Variants in PCDH11Y observed in about 807,000 individuals in gnomAD.
PCDH11Y encodes the protein protocadherin 11 Y-linked.
For missense variants in PCDH11Y, 12 were observed against 224.8 expected, an observed-to-expected ratio of 0.05 and a Z score of 6.05; for synonymous variants, 9 against 83.6, an observed-to-expected ratio of 0.11 and a Z score of 4.87.
chrY:5,681,810 C>T, intron 4 of PCDH11Y, among the ~76,000 whole-genome samples: 1 of 30,460 alleles, frequency 3.3e-5, no homozygotes, highest in East Asian at 8.6e-4. Flanking sequence ...TTTATTTACT[C>T]CCACATATGA....
chrY:5,676,776 G>T (rs2053554039), intron 4 of PCDH11Y, among the ~76,000 whole-genome samples: 1 of 32,597 alleles, frequency 3.1e-5, no homozygotes, highest in African/African-American at 1.2e-4. Flanking sequence ...TTTGGTCAAA[G>T]CCATTCAACA....
intron 2 of PCDH11Y, among the ~76,000 whole-genome samples, chrY:5,129,128 T>C: frequency 6.0e-5 from 2 of 33,243 alleles, no homozygotes; most frequent in Non-Finnish European, 1.5e-4. Context: ...AGGAATACAT[T>C]TTCGGTAACT....
chrY:5,351,683 T>C, intron 2 of PCDH11Y, among the ~76,000 whole-genome samples: 1 of 32,478 alleles, frequency 3.1e-5, no homozygotes, highest in East Asian at 8.1e-4. Flanking sequence ...GATTTTAGGA[T>C]AGTATGAAAA....
chrY:5,332,466 C>T, intron 2 of PCDH11Y, among the ~76,000 whole-genome samples: 1 of 33,561 alleles, frequency 3.0e-5, no homozygotes, highest in African/African-American at 1.2e-4. Flanking sequence ...TTTATCAGTG[C>T]TATTTGATAG....
intron 1 of PCDH11Y, among the ~76,000 whole-genome samples, chrY:5,082,259 G>T: frequency 6.0e-5 from 2 of 33,528 alleles, no homozygotes; most frequent in Non-Finnish European, 1.5e-4. Flanking sequence ...TTTGCTGCTG[G>T]ATTCAGTTTG....
At chrY:5,351,850 T>A in intron 2 of PCDH11Y, among the ~76,000 whole-genome samples, 1 of 30,579 alleles carries the variant, frequency 3.3e-5, no homozygotes, top group East Asian at 8.4e-4. Context: ...TGTCATTTAT[T>A]GGTGTTTTCA....
exon 5 of PCDH11Y, chrY:5,737,947 A>G: frequency 2.5e-6 from 1 of 398,288 alleles, no homozygotes; most frequent in Non-Finnish European, 3.5e-6. Context: ...TTGTAAAGCT[A>G]AAATAGTTAC....
At chrY:5,242,266 A>G in intron 2 of PCDH11Y, among the ~76,000 whole-genome samples, 1 of 18,255 alleles carries the variant, frequency 5.5e-5, no homozygotes, top group Non-Finnish European at 1.2e-4. Context: ...TGTCTCAAAT[A>G]TATATATAGA....
At chrY:5,243,379 A>T in intron 2 of PCDH11Y, among the ~76,000 whole-genome samples, 1 of 32,311 alleles carries the variant, frequency 3.1e-5, no homozygotes, top group East Asian at 7.8e-4. Context: ...TTCTAGGCAC[A>T]CTACACCTTC....
At chrY:5,198,347 C>T in intron 2 of PCDH11Y, among the ~76,000 whole-genome samples, 1 of 30,544 alleles carries the variant, frequency 3.3e-5, no homozygotes, top group South Asian at 7.7e-4. Flanking sequence ...GATGTTTCAC[C>T]ATGTTGGCCA....
intron 2 of PCDH11Y, among the ~76,000 whole-genome samples, chrY:5,450,761 A>G: frequency 3.0e-5 from 1 of 32,916 alleles, no homozygotes; most frequent in Non-Finnish European, 7.5e-5. Flanking sequence ...TGGAAACTGT[A>G]TGCTGCGCAG....
At chrY:5,147,041 G>A in intron 2 of PCDH11Y, among the ~76,000 whole-genome samples, 1 of 30,761 alleles carries the variant, frequency 3.3e-5, no homozygotes, top group East Asian at 8.9e-4. Context: ...TTTGCCAGAG[G>A]GTCCTGGGCC....
intron 1 of PCDH11Y, among the ~76,000 whole-genome samples, chrY:5,023,516 GC>G (rs2124620168): frequency 2.9e-5 from 1 of 34,187 alleles, no homozygotes; most frequent in Admixed American, 2.7e-4. Context: ...TGTTTAAGGA[GC>G]AATGCTGACA....
chrY:5,245,550 A>C, intron 2 of PCDH11Y, among the ~76,000 whole-genome samples: 1 of 30,818 alleles, frequency 3.2e-5, no homozygotes, highest in African/African-American at 1.3e-4. Context: ...AAAACAAACA[A>C]ACAGAAAGCA....
At chrY:5,564,669 C>T in intron 3 of PCDH11Y, among the ~76,000 whole-genome samples, 1 of 32,701 alleles carries the variant, frequency 3.1e-5, no homozygotes, top group African/African-American at 1.2e-4. Flanking sequence ...GACTGCTACA[C>T]GACAGCAACT....
intron 4 of PCDH11Y, among the ~76,000 whole-genome samples, chrY:5,711,556 T>C (rs2053586556): frequency 3.2e-5 from 1 of 30,921 alleles, no homozygotes; most frequent in Non-Finnish European, 7.8e-5. Context: ...TTTGGGAGGC[T>C]GAGTTGGTCA....
At chrY:5,329,295 T>A in intron 2 of PCDH11Y, among the ~76,000 whole-genome samples, 1 of 32,023 alleles carries the variant, frequency 3.1e-5, no homozygotes, top group Admixed American at 2.9e-4. Context: ...TGGGGTTTTC[T>A]TTCCCTCCAG....
At chrY:5,604,416 T>C in intron 4 of PCDH11Y, among the ~76,000 whole-genome samples, 1 of 32,540 alleles carries the variant, frequency 3.1e-5, no homozygotes, top group Non-Finnish European at 7.5e-5. Flanking sequence ...TAAATCGCAC[T>C]TTGAAAATTC....
chrY:5,413,931 G>A (rs2053250684), intron 2 of PCDH11Y, among the ~76,000 whole-genome samples: 2 of 32,202 alleles, frequency 6.2e-5, no homozygotes, highest in Admixed American at 5.6e-4. Flanking sequence ...ATTTCTTTGG[G>A]GTCAGTGGTA....
Sources: gnomAD v4.1 joint callset for allele counts (sites outside exome capture counted in the v4.1 genomes callset) on GRCh38, gnomAD v4.1.1 for gene constraint, MANE v1.5 for transcripts, NCBI Gene and HGNC (gene_info 2026-07-23, HGNC 2026-07-21) for gene names.